The following CNR1 variants were observed in gnomAD, a reference collection of about 807,000 sequenced individuals.
The protein encoded by CNR1 is cannabinoid receptor 1 (brain).
Under a neutral mutation model 23.0 loss-of-function variants are expected in CNR1, and 10 were observed. The observed-to-expected ratio is 0.43, with a 90% CI of 0.27 to 0.74. The LOEUF (loss-of-function observed/expected upper bound fraction) is 0.74, where lower values mean the gene tolerates loss of function less well. CNR1 is among the 30% of genes least tolerant of loss of function. The pLI is 0.19. For missense variants in CNR1, 422 were observed against 618.8 expected, an observed-to-expected ratio of 0.68 and a Z score of 3.37; for synonymous variants, 271 against 255.2, an observed-to-expected ratio of 1.06 and a Z score of -0.59.
At chr6:88,150,844 A>G (rs1429953726) in intron 1 of CNR1, among the ~76,000 whole-genome samples, 1 of 152,134 alleles carries the variant, frequency 6.6e-6, no homozygotes, top group Non-Finnish European at 1.5e-5. Flanking sequence ...ATGTAAATGG[A>G]GTTGTTTAGC....
upstream of CNR1, among the ~76,000 whole-genome samples, chr6:88,166,769 A>C (rs1331914527): frequency 2.7e-5 from 4 of 149,730 alleles, no homozygotes; most frequent in East Asian, 8.3e-4. Context: ...CGCGGGGGTC[A>C]CGTCTGGGGC....
chr6:88,144,313 G>C lies in CNR1; in HGVS notation c.962C>G (p.Thr321Arg), dbSNP rs371968575. 2 of 1,612,816 alleles carry C rather than the reference G, an allele frequency of 1.2e-6. No homozygotes were observed. The highest frequency in any genetic ancestry group is 1.1e-5 in the South Asian group (1 of 91,074). ...CACCTGTACCTTCCCATCCTCAGACGTGTGGATGATGATGCTCTTCTGGGT... is the reference window on the plus strand; with the variant it reads ...CACCTGTACCTTCCCATCCTCAGACCTGTGGATGATGATGCTCTTCTGGGT... ...RGTQKSIIIH[T>R]SEDGKVQVTR... is the part of the protein sequence containing the mutation. The change falls in exon 2 of 2, where the codon ACG becomes AGG. Residue 321 changes from threonine (T) to arginine (R), a missense_variant. Transcript: ENST00000369501. This position sits in a 1 kb window ranked among gnomAD's most constrained non-coding sequence, Gnocchi z 7.8.
Position 88,143,809 on chromosome 6 carries a change from C to G in CNR1, c.*47G>C, listed in dbSNP as rs546304911. 6.2e-6 allele frequency: 9 copies of G among 1,461,400 alleles called. No homozygotes were observed. The highest frequency in any genetic ancestry group is 8.4e-6 in the Non-Finnish European group (9 of 1,066,904). The allele number at this position is 1,461,400 out of a possible 1,614,324, so 90.5% of individuals were successfully genotyped here. On this transcript the variant is annotated 3_prime_UTR_variant, in exon 2 of 2. Coordinates refer to ENST00000369501, the MANE Select transcript of CNR1 (RefSeq NM_016083.6). ...ACAATAGACTCTTCTAGATTTTGAG[C>G]TTAAAAAAAAAAATTCTTTTCCTGT...
intron 1 of CNR1, among the ~76,000 whole-genome samples, chr6:88,152,381 AAAGCTTCTTCAGTG>A (rs1777576182): frequency 6.6e-6 from 1 of 152,236 alleles, no homozygotes; most frequent in Non-Finnish European, 1.5e-5. Flanking sequence ...GAAGAGCTAT[AAAGCTTCTTCAGTG>A]AAGACAAAGG....
chr6:88,160,415 T>G (rs1778033809), intron 1 of CNR1, among the ~76,000 whole-genome samples: 2 of 151,370 alleles, frequency 1.3e-5, no homozygotes, highest in South Asian at 4.2e-4. Context: ...AAAACAAACT[T>G]AAAAAATTTT....
rs1472589703 is a variant in CNR1 at position 88,166,237 on chromosome 6, C to T, written c.-498G>A. 7 of 152,272 alleles carry T rather than the reference C, an allele frequency of 4.6e-5. No individual in the cohort carries two copies. Among genetic ancestry groups the T allele is most frequent in the Admixed American group, 4.6e-4 (7 of 15,288 alleles). The allele number at this position is 152,272 out of a possible 1,614,324, so 9.4% of individuals were successfully genotyped here. ...TCCCAGGCTCTTCACTGGGTCCTCCCGCGAGCCCCGCCTGGCCCGGCGTGG... is the reference window on the plus strand; with the variant it reads ...TCCCAGGCTCTTCACTGGGTCCTCCTGCGAGCCCCGCCTGGCCCGGCGTGG... On this transcript the variant is annotated 5_prime_UTR_variant, in exon 1 of 2. Transcript: ENST00000369501.
rs1778357124 is a variant in CNR1, at chr6:88,166,066, G to C, written c.-327C>G. 1 of 152,504 alleles carries C rather than the reference G, an allele frequency of 6.6e-6. No individual in the cohort carries two copies. The highest frequency in any genetic ancestry group is 1.5e-5 in the Non-Finnish European group (1 of 68,326). The allele number at this position is 152,504 out of a possible 1,614,324, so 9.4% of individuals were successfully genotyped here. On this transcript the variant is annotated 5_prime_UTR_variant, in exon 1 of 2. Transcript: ENST00000369501. ...GCCGGCGCCGGGCTGCTGGCGAGGC[G>C]GGGTGGGGTGGAGTGGGGTGTGCCT...
intron 1 of CNR1, among the ~76,000 whole-genome samples, chr6:88,154,058 CAT>C (rs1202904159): frequency 6.6e-6 from 1 of 152,194 alleles, no homozygotes; most frequent in East Asian, 1.9e-4. Flanking sequence ...CCTTTTCCTA[CAT>C]ATGAAAGAAA....
At chr6:88,154,872 G>A (rs1270700737) in intron 1 of CNR1, among the ~76,000 whole-genome samples, 2 of 152,146 alleles carry the variant, frequency 1.3e-5, no homozygotes, top group Admixed American at 1.3e-4. Flanking sequence ...GAGCCACTGT[G>A]CCCGCCCAGA....
rs919232870 is a variant in CNR1, at chr6:88,142,435, C to T, written c.*1421G>A. ...CTGACATATTGCTCAATATTCGGTG[C>T]TCAGAAACCAAAGTACTCTCCTTTC... On this transcript the variant is annotated 3_prime_UTR_variant, in exon 2 of 2. Coordinates refer to ENST00000369501, the MANE Select transcript of CNR1 (RefSeq NM_016083.6). The T allele has an allele frequency of 6.6e-6, 1 of 152,354 alleles. No homozygotes were observed. Among genetic ancestry groups the T allele is most frequent in the Non-Finnish European group, 1.5e-5 (1 of 68,040 alleles). 9.4% of individuals were successfully genotyped at this position (152,354 alleles called of 1,614,324 possible).
intron 1 of CNR1, among the ~76,000 whole-genome samples, chr6:88,147,401 C>T (rs181377336): frequency 2.9e-4 from 44 of 152,210 alleles, no homozygotes; most frequent in African/African-American, 1.0e-3. Context: ...GGGAGAGCTA[C>T]AATTGGGGAC....
At chr6:88,157,261 C>T (rs750316487) in intron 1 of CNR1, among the ~76,000 whole-genome samples, 1 of 152,088 alleles carries the variant, frequency 6.6e-6, no homozygotes, top group East Asian at 1.9e-4. Flanking sequence ...TCTCCACTTG[C>T]GAGCGTGTTT....
upstream of CNR1, among the ~76,000 whole-genome samples, chr6:88,167,012 C>T (rs1778396915): frequency 6.6e-6 from 1 of 151,868 alleles, no homozygotes; most frequent in Admixed American, 6.6e-5. Context: ...CGGGGCGCCG[C>T]CCAGCTTCGC....
Position 88,140,228 on chromosome 6 carries a change from T to C in CNR1, c.*3628A>G, listed in dbSNP as rs929288518. The C allele has an allele frequency of 2.0e-5, 3 of 152,808 alleles. No individual in the cohort carries two copies. The allele number at this position is 152,808 out of a possible 1,614,324, so 9.5% of individuals were successfully genotyped here. On this transcript the variant is annotated 3_prime_UTR_variant, in exon 2 of 2. Transcript: ENST00000369501. ...TAGATTTACAGACAATAAAGAGTCATGTTTCCCGCTTGAAACATTGGAAAT... is the reference window on the plus strand; with the variant it reads ...TAGATTTACAGACAATAAAGAGTCACGTTTCCCGCTTGAAACATTGGAAAT...
rs749022013 is a variant in CNR1, at chr6:88,144,060, T to G, written c.1215A>C (p.Arg405=). The change falls in exon 2 of 2, where the codon CGA becomes CGC. Residue 405 remains arginine, a synonymous_variant. Transcript: ENST00000369501. This position sits in a 1 kb window ranked among gnomAD's most constrained non-coding sequence, Gnocchi z 7.8. The stretch of plus-strand genomic sequence containing the variant: ...AGGGAAACATGCTCCGGAAAGCGTG[T>G]CGCAGGTCCTTACTCCTCAGAGCAT... The part of the protein sequence containing the change: ...IIYALRSKDL[R]HAFRSMFPSC... 6.2e-7 allele frequency: 1 copy of G among 1,613,980 alleles called. No homozygotes were observed. Among genetic ancestry groups the G allele is most frequent in the South Asian group, 1.1e-5 (1 of 91,028 alleles).
In CNR1 at chr6:88,144,135, T is replaced by C; in HGVS notation, c.1140A>G (p.Ala380=). ...TCAGCAGGCAGAGCATACTGCAGAA[T>C]GCAAACACCGTCTTAATGAGCTTGT... ...KMNKLIKTVF[A]FCSMLCLLNS... is the part of the protein sequence containing the mutation. Residue 380 remains alanine (A), a synonymous_variant, in exon 2 of 2, where the codon GCA becomes GCG. Transcript: ENST00000369501. This position sits in a 1 kb window ranked among gnomAD's most constrained non-coding sequence, Gnocchi z 7.8. The C allele has an allele frequency of 6.2e-7, 1 of 1,614,044 alleles. No homozygotes were observed. The highest frequency in any genetic ancestry group is 8.5e-7 in the Non-Finnish European group (1 of 1,180,016).
At chr6:88,145,386 T>C (rs1015901797) in intron 1 of CNR1, 49 bp from the exon 2 acceptor site, 1 of 877,066 alleles carries the variant, frequency 1.1e-6, no homozygotes, top group Non-Finnish European at 1.8e-6. Context: ...ACAGGAAGAA[T>C]AAAAACAAAG....
At chr6:88,145,438 T>C in intron 1 of CNR1, 101 bp from the exon 2 acceptor site, 2 of 620,266 alleles carry the variant, frequency 3.2e-6, no homozygotes, top group Non-Finnish European at 5.7e-6. Context: ...TGGCAACTCA[T>C]TCCTGTCTCT....
chr6:88,148,965 T>A (rs957213817), intron 1 of CNR1, among the ~76,000 whole-genome samples: 5 of 152,106 alleles, frequency 3.3e-5, no homozygotes, highest in Non-Finnish European at 5.9e-5. Flanking sequence ...AATTGAGGGT[T>A]TTTTTTAGTC....
Sources: allele counts gnomAD v4.1 joint callset (sites outside exome capture counted in the v4.1 genomes callset), GRCh38; gene constraint gnomAD v4.1.1; non-coding constraint Gnocchi (gnomAD v3.1); transcripts MANE v1.5; gene names NCBI Gene and HGNC (gene_info 2026-07-23, HGNC 2026-07-21).